The following THSD7A variants were observed in gnomAD, a reference collection of about 807,000 sequenced individuals.
THSD7A encodes thrombospondin type 1 domain containing 7A.
THSD7A carries 96 observed loss-of-function variants against 231.3 expected under a neutral mutation model. The ratio of observed to expected loss-of-function variants is 0.41; its 90% CI spans 0.35 to 0.49. The LOEUF (loss-of-function observed/expected upper bound fraction) is 0.49, where lower values mean the gene tolerates loss of function less well. THSD7A is among the 20% of genes least tolerant of loss of function. The pLI, the probability that THSD7A is intolerant of heterozygous loss-of-function variation, is 0.05. For synonymous variants in THSD7A, 940 were observed against 743.3 expected (o/e 1.26, Z -4.30); for missense variants, 2,290 against 2,070.2 (o/e 1.11, Z -2.06).
chr7:11,394,604 G>A (rs754450244), intron 23 of THSD7A, among the ~76,000 whole-genome samples: 1 of 152,132 alleles, frequency 6.6e-6, no homozygotes, highest in Non-Finnish European at 1.5e-5. Context: ...ACCAAGAACC[G>A]ATCTTTGATC....
At chr7:11,560,852 CAAACA>C (rs1314561701) in intron 4 of THSD7A, among the ~76,000 whole-genome samples, 2 of 152,090 alleles carry the variant, frequency 1.3e-5, no homozygotes, top group Non-Finnish European at 2.9e-5. Flanking sequence ...CAAGGAATTA[CAAACA>C]AAAGTTTAGA....
At chr7:11,439,257 C>T (rs1784728074) in intron 13 of THSD7A, among the ~76,000 whole-genome samples, 1 of 151,946 alleles carries the variant, frequency 6.6e-6, no homozygotes, top group African/African-American at 2.4e-5. Context: ...GAATGTTTTA[C>T]AGGTATACCT....
intron 2 of THSD7A, among the ~76,000 whole-genome samples, chr7:11,615,790 G>A (rs1167964606): frequency 6.6e-6 from 1 of 152,074 alleles, no homozygotes; most frequent in African/African-American, 2.4e-5. Context: ...ATTTAATCCA[G>A]ATTTTCCTGG....
rs1782749281 is a variant in THSD7A at position 11,657,383 on chromosome 7, G to A, written c.191-20422C>T. On this transcript the variant is annotated intron_variant, in intron 1 of 27. Coordinates refer to ENST00000423059, the MANE Select transcript of THSD7A (RefSeq NM_015204.3). ...GATATAAACAAAAACAGCAAGTACG[G>A]GCTGTGTAAATAGGCAGTGGAGCAT... Among the ~76,000 whole-genome samples, 4 of 151,836 alleles carry A rather than the reference G, an allele frequency of 2.6e-5. No individual in the cohort carries two copies. In the South Asian group the frequency reaches 8.3e-4, roughly 31 times the overall value.
intron 6 of THSD7A, among the ~76,000 whole-genome samples, chr7:11,526,920 T>C (rs978147193): frequency 1.3e-5 from 2 of 152,198 alleles, no homozygotes; most frequent in African/African-American, 4.8e-5. Context: ...TGTGCTCAGC[T>C]AACTTTCTCT....
intron 1 of THSD7A, among the ~76,000 whole-genome samples, chr7:11,692,472 C>T (rs747642357): frequency 2.6e-5 from 4 of 151,086 alleles, no homozygotes; most frequent in Admixed American, 6.6e-5. Context: ...TCTTAACAAC[C>T]GAATTTTAAA....
chr7:11,429,798 C>G (rs528531367), intron 13 of THSD7A, among the ~76,000 whole-genome samples: 2 of 152,168 alleles, frequency 1.3e-5, no homozygotes, highest in Non-Finnish European at 1.5e-5. Flanking sequence ...AGAGCGATGA[C>G]TGACTGAGTC....
intron 6 of THSD7A, among the ~76,000 whole-genome samples, chr7:11,538,712 G>A (rs371361251): frequency 4.6e-5 from 7 of 152,130 alleles, no homozygotes; most frequent in African/African-American, 1.4e-4. Flanking sequence ...GAGTCTAATC[G>A]TCTTTTGTGC....
chr7:11,558,732 C>T (rs952149054), intron 4 of THSD7A, among the ~76,000 whole-genome samples: 1 of 152,088 alleles, frequency 6.6e-6, no homozygotes, highest in East Asian at 1.9e-4. Flanking sequence ...TAAAATTAAG[C>T]ATTGATTGTA....
chr7:11,440,114 T>A (rs1295678191), intron 13 of THSD7A, among the ~76,000 whole-genome samples: 2 of 152,008 alleles, frequency 1.3e-5, no homozygotes, highest in Non-Finnish European at 2.9e-5. Flanking sequence ...AGAATCAAGC[T>A]AAATCTACTC....
At chr7:11,552,884 G>A (rs1391560802) in intron 4 of THSD7A, among the ~76,000 whole-genome samples, 2 of 152,048 alleles carry the variant, frequency 1.3e-5, no homozygotes, top group Non-Finnish European at 2.9e-5. Flanking sequence ...TGAGTCCTAT[G>A]TAAATCAGAC....
At chr7:11,635,607 C>T (rs1781807640) in intron 2 of THSD7A, among the ~76,000 whole-genome samples, 1 of 152,080 alleles carries the variant, frequency 6.6e-6, no homozygotes, top group Non-Finnish European at 1.5e-5. Context: ...GTTGCTGTTT[C>T]CTTCTCTGGA....
intron 11 of THSD7A, among the ~76,000 whole-genome samples, chr7:11,455,577 C>G (rs934576653): frequency 6.6e-6 from 1 of 151,966 alleles, no homozygotes; most frequent in Admixed American, 6.6e-5. Context: ...ATGTGCTTTT[C>G]AAACTTTCAG....
chr7:11,699,991 G>A (rs1352873627), intron 1 of THSD7A, among the ~76,000 whole-genome samples: 1 of 151,302 alleles, frequency 6.6e-6, no homozygotes, highest in African/African-American at 2.4e-5. Context: ...AATCAGAATA[G>A]TGTGTAAGAA....
chr7:11,739,582 A>T (rs565331825), intron 1 of THSD7A, among the ~76,000 whole-genome samples: 16 of 151,856 alleles, frequency 1.1e-4, no homozygotes, highest in African/African-American at 2.9e-4. Context: ...ATTTTTTTTT[A>T]AATTTGTATT....
chr7:11,409,060 ATC>A (rs1783687112), intron 19 of THSD7A, among the ~76,000 whole-genome samples: 1 of 152,196 alleles, frequency 6.6e-6, no homozygotes, highest in South Asian at 2.1e-4. Flanking sequence ...CATTGATCAT[ATC>A]TCTCTTTTAA....
rs761841418 is a variant in THSD7A, at chr7:11,546,202, G to GCGCGCGCGCGCACACACACACACACACA, written c.1454-3086_1454-3085insTGTGTGTGTGTGTGTGTGCGCGCGCGCG. 1.4e-3 allele frequency among the ~76,000 whole-genome samples: 186 copies of GCGCGCGCGCGCACACACACACACACACA among 129,430 alleles called. 3 individuals are homozygous for GCGCGCGCGCGCACACACACACACACACA. Among genetic ancestry groups the GCGCGCGCGCGCACACACACACACACACA allele is most frequent in the Admixed American group, 8.3e-3 (96 of 11,566 alleles). 84.9% of individuals were successfully genotyped at this position (129,430 alleles called of 152,430 possible). ...TCTGTTGTTGCTGGTGTGGGCGCGC[G>GCGCGCGCGCGCACACACACACACACACA]CTCACACACACACACACACACACAC... On this transcript the variant is annotated intron_variant, in intron 4 of 27. Coordinates refer to ENST00000423059, the MANE Select transcript of THSD7A (RefSeq NM_015204.3).
chr7:11,552,572 AG>A (rs1789676495), intron 4 of THSD7A, among the ~76,000 whole-genome samples: 1 of 152,112 alleles, frequency 6.6e-6, no homozygotes, highest in Admixed American at 6.6e-5. Context: ...GCAGATAGTG[AG>A]GGTACAGAAG....
At chr7:11,419,022 C>G (rs779747719) in intron 16 of THSD7A, among the ~76,000 whole-genome samples, 7 of 152,000 alleles carry the variant, frequency 4.6e-5, no homozygotes, top group Non-Finnish European at 1.0e-4. Flanking sequence ...AGACATGTTG[C>G]AGACAGGACA....
Sources: gnomAD v4.1 joint callset for allele counts (sites outside exome capture counted in the v4.1 genomes callset) on GRCh38, gnomAD v4.1.1 for gene constraint, MANE v1.5 for transcripts, NCBI Gene and HGNC (gene_info 2026-07-23, HGNC 2026-07-21) for gene names.